Variants in DCDC1 observed in about 807,000 individuals in gnomAD.
DCDC1 encodes doublecortin domain-containing protein 1.
A neutral mutation model predicts 178.3 loss-of-function variants in DCDC1; 200 were observed. The observed-to-expected ratio is 1.12, with a 90% CI of 1.00 to 1.26. The LOEUF is 1.26. DCDC1 is among the 50% of genes most tolerant of loss of function. The pLI is 0.00. For missense variants in DCDC1, 1,983 were observed against 1,749.2 expected (o/e 1.13, Z -2.38); for synonymous variants, 690 against 604.8 (o/e 1.14, Z -2.07).
intron 36 of DCDC1, chr11:30,883,317 C>A: frequency 4.9e-6 from 1 of 205,892 alleles, no homozygotes; most frequent in South Asian, 6.8e-5. Context: ...TCACAGGATA[C>A]AGAAAAAGGA....
chr11:30,897,548 A>T (rs1341673056), intron 34 of DCDC1, among the ~76,000 whole-genome samples: 1 of 135,586 alleles, frequency 7.4e-6, no homozygotes, highest in African/African-American at 2.8e-5. Context: ...GCACCGCTGG[A>T]CTCCAGCCTG....
At chr11:31,213,591 G>T (rs564103043) in intron 9 of DCDC1, among the ~76,000 whole-genome samples, 2 of 151,768 alleles carry the variant, frequency 1.3e-5, no homozygotes, top group Non-Finnish European at 2.9e-5. Context: ...GTGGTGGCGG[G>T]CACCTGTAAT....
At chr11:31,274,306 A>G (rs1304032762) in intron 7 of DCDC1, among the ~76,000 whole-genome samples, 1 of 152,140 alleles carries the variant, frequency 6.6e-6, no homozygotes, top group East Asian at 1.9e-4. Flanking sequence ...TCAATTCAAA[A>G]TATTATTGAC....
intron 9 of DCDC1, among the ~76,000 whole-genome samples, chr11:31,140,578 A>G (rs1963700255): frequency 6.6e-6 from 1 of 152,210 alleles, no homozygotes; most frequent in Non-Finnish European, 1.5e-5. Flanking sequence ...TTCAATACTA[A>G]TGGCAACCAG....
At position 31,064,534 on chromosome 11, in the gene DCDC1, C is replaced by T. The variant is rs201930687; in HGVS notation, c.2526G>A (p.Thr842=). 1.9e-4 allele frequency: 145 copies of T among 765,940 alleles called. 1 individual carries two copies. In the Middle Eastern group the frequency reaches 4.1e-3, roughly 21 times the overall value. 47.4% of individuals were successfully genotyped at this position (765,940 alleles called of 1,614,324 possible). The stretch of plus-strand genomic sequence containing the variant: ...TCACCAGTGCTACTGTCAGCTCCCC[C>T]GTCTCCTCAAGAGAACCTTCTGGCA... ...HLMPEGSLEE[T]GELTVALVRK... is the part of the protein sequence containing the mutation. Residue 842 remains threonine (T), a synonymous_variant, in exon 20 of 39, where the codon ACG becomes ACA. Transcript: ENST00000684477.
intron 9 of DCDC1, among the ~76,000 whole-genome samples, chr11:31,157,880 C>T (rs1028680664): frequency 6.6e-6 from 1 of 151,992 alleles, no homozygotes; most frequent in African/African-American, 2.4e-5. Context: ...GTAGCTATAA[C>T]ATATGTTAAG....
chr11:31,289,716 G>A (rs574940524), intron 7 of DCDC1, among the ~76,000 whole-genome samples: 1 of 152,032 alleles, frequency 6.6e-6, no homozygotes, highest in Admixed American at 6.6e-5. Context: ...AACTTTCTGG[G>A]TGCCAGGCAT....
At chr11:31,265,729 T>C (rs1335363420) in intron 7 of DCDC1, 129 bp from the exon 8 acceptor site, 3 of 375,852 alleles carry the variant, frequency 8.0e-6, no homozygotes, top group African/African-American at 4.2e-5. Flanking sequence ...ATTTATAAAA[T>C]GTTCTAATAT....
At position 31,176,577 on chromosome 11, in the gene DCDC1, A is replaced by G. The variant is rs1172438169; in HGVS notation, c.1222-38793T>C. 1.3e-5 allele frequency among the ~76,000 whole-genome samples: 2 copies of G among 152,180 alleles called. 1 individual carries two copies. The highest frequency in any genetic ancestry group is 2.9e-5 in the Non-Finnish European group (2 of 68,014). ...GTTCCCAATTATATTCCACCCAAAA[A>G]GATCCTCTGCCAGGCACATTATAAT... On this transcript the variant is annotated intron_variant, in intron 9 of 38. Coordinates refer to ENST00000684477, the MANE Select transcript of DCDC1 (RefSeq NM_001387274.1).
intron 7 of DCDC1, among the ~76,000 whole-genome samples, chr11:31,282,783 G>C (rs932808906): frequency 6.6e-6 from 1 of 152,032 alleles, no homozygotes; most frequent in Non-Finnish European, 1.5e-5. Context: ...CTGTTTGCCT[G>C]AGAATGCTTT....
intron 9 of DCDC1, among the ~76,000 whole-genome samples, chr11:31,142,488 A>ATG (rs59196732): frequency 0.01 from 1,540 of 150,466 alleles, 15 homozygotes; most frequent in African/African-American, 0.032. Context: ...GTGTGTGTGT[A>ATG]TGTGTGTGTG....
chr11:30,904,802 A>G (rs930819765), intron 31 of DCDC1, 159 bp downstream of exon 31: 1 of 813,836 alleles, frequency 1.2e-6, no homozygotes, highest in South Asian at 1.8e-5. Context: ...AATCAAATAA[A>G]ATGTCTTTAA....
At chr11:31,183,336 C>T (rs1591335348) in intron 9 of DCDC1, among the ~76,000 whole-genome samples, 1 of 152,188 alleles carries the variant, frequency 6.6e-6, no homozygotes, top group African/African-American at 2.4e-5. Flanking sequence ...AAATTGACCA[C>T]ATAATTGGAA....
chr11:31,336,196 T>C (rs933387438), intron 1 of DCDC1, among the ~76,000 whole-genome samples: 1 of 152,078 alleles, frequency 6.6e-6, no homozygotes, highest in East Asian at 1.9e-4. Flanking sequence ...GTGGAGGGAA[T>C]TGCAAGTTTA....
At position 31,223,982 on chromosome 11, in the gene DCDC1, G is replaced by A. The variant is rs564517610; in HGVS notation, c.1221+17468C>T. On this transcript the variant is annotated intron_variant, in intron 9 of 38. Transcript: ENST00000684477. ...GGGAGGTCATTGAATCATGGGGGCC[G>A]GTCTTTCCCATGCTAGTCTCATGAT... Among the ~76,000 whole-genome samples the A allele has an allele frequency of 3.9e-5, 6 of 151,988 alleles. No individual in the cohort carries two copies. In the East Asian group the frequency reaches 9.7e-4, roughly 25 times the overall value.
intron 20 of DCDC1, among the ~76,000 whole-genome samples, chr11:31,032,722 C>G (rs1012530270): frequency 1.3e-5 from 2 of 152,012 alleles, no homozygotes; most frequent in East Asian, 1.9e-4. Flanking sequence ...TTTCTTGTTC[C>G]CATTGAAAGA....
At chr11:31,045,094 C>T (rs1954742671) in intron 20 of DCDC1, among the ~76,000 whole-genome samples, 1 of 151,992 alleles carries the variant, frequency 6.6e-6, no homozygotes, top group Admixed American at 6.6e-5. Context: ...AATCTTATGT[C>T]TTATATATAC....
At chr11:30,987,539 G>C (rs539005237) in intron 20 of DCDC1, among the ~76,000 whole-genome samples, 6 of 152,282 alleles carry the variant, frequency 3.9e-5, no homozygotes, top group Admixed American at 3.9e-4. Context: ...ACATGATAGA[G>C]ATGGACTGTA....
At chr11:31,119,789 T>C (rs1960531177) in intron 11 of DCDC1, among the ~76,000 whole-genome samples, 2 of 152,166 alleles carry the variant, frequency 1.3e-5, no homozygotes, top group African/African-American at 4.8e-5. Context: ...AAGTCACATG[T>C]TTTCTGTTAC....
Sources: gnomAD v4.1 joint callset for allele counts (sites outside exome capture counted in the v4.1 genomes callset) on GRCh38, gnomAD v4.1.1 for gene constraint, MANE v1.5 for transcripts, NCBI Gene and HGNC (gene_info 2026-07-23, HGNC 2026-07-21) for gene names.